The following SVEP1 variants were observed in gnomAD, a reference collection of about 807,000 sequenced individuals.
SVEP1 encodes the protein sushi, von Willebrand factor type A, EGF and pentraxin domain containing 1.
SVEP1 carries 164 observed loss-of-function variants against 367.3 expected under a neutral mutation model. That is an observed-to-expected ratio of 0.45 (90% confidence interval 0.39 to 0.51). SVEP1 has a LOEUF of 0.51. Among genes scored for constraint, SVEP1 ranks in the 20% least tolerant of loss-of-function variants. SVEP1 has a pLI of 0.00. For synonymous variants in SVEP1, 1,666 were observed against 1,611.6 expected (o/e 1.03, Z -0.81); for missense variants, 4,117 against 4,425.3 (o/e 0.93, Z 1.98).
chr9:110,539,114 C>T (rs1830112820), intron 3 of SVEP1, among the ~76,000 whole-genome samples: 1 of 151,996 alleles, frequency 6.6e-6, no homozygotes, highest in Non-Finnish European at 1.5e-5. Context: ...TTACTTCTTA[C>T]TGACATCCTT....
chr9:110,441,831 C>T (rs945479927), intron 27 of SVEP1, among the ~76,000 whole-genome samples: 1 of 152,168 alleles, frequency 6.6e-6, no homozygotes, highest in Non-Finnish European at 1.5e-5. Flanking sequence ...CTGCTCGTGA[C>T]AGAACCACCT....
intron 6 of SVEP1, among the ~76,000 whole-genome samples, chr9:110,501,207 A>G (rs1260278852): frequency 2.0e-5 from 3 of 149,270 alleles, no homozygotes; most frequent in Non-Finnish European, 4.5e-5. Context: ...TTTGGAAAGA[A>G]CTTAACATTT....
At chr9:110,513,245 T>C in intron 4 of SVEP1, 140 bp from the exon 5 acceptor site, 2 of 804,268 alleles carry the variant, frequency 2.5e-6, no homozygotes, top group Non-Finnish European at 3.8e-6. Flanking sequence ...ATTTGGATTT[T>C]CAAGTACATA....
intron 1 of SVEP1, among the ~76,000 whole-genome samples, chr9:110,551,011 C>A (rs982851605): frequency 6.6e-6 from 1 of 151,954 alleles, no homozygotes; most frequent in African/African-American, 2.4e-5. Flanking sequence ...TAAAGAAGCA[C>A]CAGGGTATAT....
chr9:110,527,814 T>TA (rs1829959178), intron 3 of SVEP1, among the ~76,000 whole-genome samples: 2 of 151,854 alleles, frequency 1.3e-5, no homozygotes, highest in African/African-American at 2.4e-5. Flanking sequence ...TACACAATTA[T>TA]AAAAAACTAC....
chr9:110,515,457 C>A (rs1237346349), intron 3 of SVEP1, among the ~76,000 whole-genome samples: 3 of 152,000 alleles, frequency 2.0e-5, no homozygotes, highest in African/African-American at 7.2e-5. Context: ...CCCGCCACCA[C>A]GCCTGGCTAA....
In SVEP1 at chr9:110,471,402, A is replaced by C. The variant is rs766350539; in HGVS notation, c.2960T>G (p.Phe987Cys). ...TCTCAGCACTGAGCCTGGTCTGCAG[A>C]AGGGGGAAGCCTTTTTTGTTTCTAA... The part of the protein sequence containing the change: ...NSLETKKASP[F>C]CRPGSVLRGR... Residue 987 changes from phenylalanine (F) to cysteine (C), a missense_variant, in exon 16 of 48, where the codon TTC becomes TGC. By Grantham distance (205) the Phe-to-Cys change is radical (BLOSUM62 -2). Transcript: ENST00000374469. The C allele has an allele frequency of 2.5e-6, 4 of 1,613,994 alleles. No individual in the cohort carries two copies. The highest frequency in any genetic ancestry group is 1.1e-5 in the South Asian group (1 of 91,080).
intron 1 of SVEP1, among the ~76,000 whole-genome samples, chr9:110,565,087 T>G (rs766723481): frequency 6.6e-6 from 1 of 152,156 alleles, no homozygotes; most frequent in Non-Finnish European, 1.5e-5. Context: ...TTTGGGGTTT[T>G]GTTTTGTTTT....
At chr9:110,400,513 C>T (rs1588034566) in intron 40 of SVEP1, among the ~76,000 whole-genome samples, 1 of 151,966 alleles carries the variant, frequency 6.6e-6, no homozygotes, top group East Asian at 1.9e-4. Context: ...ATTACAGGTG[C>T]CTGCCACCAT....
intron 3 of SVEP1, among the ~76,000 whole-genome samples, chr9:110,542,652 G>A (rs1012661460): frequency 6.6e-6 from 1 of 152,150 alleles, no homozygotes; most frequent in Non-Finnish European, 1.5e-5. Context: ...TAAGTCCCAA[G>A]AAGGTAGTGA....
chr9:110,366,564 G>GAGA lies in SVEP1; in HGVS notation c.10695-5_10695-4insTCT. 1.4e-6 allele frequency: 2 copies of GAGA among 1,413,490 alleles called. No individual in the cohort carries two copies. Among genetic ancestry groups the GAGA allele is most frequent in the Non-Finnish European group, 1.9e-6 (2 of 1,063,918 alleles). The allele number at this position is 1,413,490 out of a possible 1,614,324, so 87.6% of individuals were successfully genotyped here. On this transcript the variant is annotated splice_region_variant and splice_polypyrimidine_tract_variant and intron_variant, in intron 47 of 47. Coordinates refer to ENST00000374469, the MANE Select transcript of SVEP1 (RefSeq NM_153366.4). ...TTAAAACCCAGTCCTCCTTTTCCTG[G>GAGA]AAAAAAAAAAAAAAGCAACCAAATA...
chr9:110,460,739 T>C (rs1828845353), intron 18 of SVEP1, among the ~76,000 whole-genome samples: 1 of 150,632 alleles, frequency 6.6e-6, no homozygotes. Context: ...AGCAACGGAG[T>C]GAGACTCCGT....
chr9:110,454,631 A>T (rs910156788), intron 22 of SVEP1, among the ~76,000 whole-genome samples: 2 of 152,226 alleles, frequency 1.3e-5, no homozygotes, highest in Non-Finnish European at 2.9e-5. Flanking sequence ...GTAGTCATAA[A>T]AACTCCACAA....
intron 40 of SVEP1, among the ~76,000 whole-genome samples, chr9:110,391,693 T>A (rs543381620): frequency 1.3e-5 from 2 of 152,260 alleles, no homozygotes; most frequent in Non-Finnish European, 2.9e-5. Context: ...CACTCTGAGC[T>A]CCATGTTAGA....
rs1243344612 is a variant in SVEP1 at position 110,435,460 on chromosome 9, T to G, written c.4765-96A>C. ...AGTCCTATTGAAAACATTCACAGAT[T>G]TTTTAGAGATGGGGGTGGAGGGAAG... On this transcript the variant is annotated intron_variant, in intron 28 of 47. Transcript: ENST00000374469. 2.1e-6 allele frequency: 3 copies of G among 1,414,872 alleles called. No individual in the cohort carries two copies. In the African/African-American group the frequency reaches 4.3e-5, roughly 20 times the overall value. 87.6% of individuals were successfully genotyped at this position (1,414,872 alleles called of 1,614,324 possible).
chr9:110,437,466 G>A (rs992099647), intron 27 of SVEP1, among the ~76,000 whole-genome samples: 1 of 152,068 alleles, frequency 6.6e-6, no homozygotes, highest in African/African-American at 2.4e-5. Flanking sequence ...CTTTAGTGAT[G>A]CTACCTGTTT....
chr9:110,469,770 T>G (rs207470488), intron 16 of SVEP1, among the ~76,000 whole-genome samples: 1 of 152,200 alleles, frequency 6.6e-6, no homozygotes, highest in African/African-American at 2.4e-5. Context: ...TCCAAATGCA[T>G]TAGTCCTAGG....
chr9:110,563,610 T>C (rs902912783), intron 1 of SVEP1, among the ~76,000 whole-genome samples: 2 of 152,172 alleles, frequency 1.3e-5, no homozygotes, highest in Non-Finnish European at 2.9e-5. Context: ...GGATAATCAC[T>C]TAATTAGCTT....
intron 1 of SVEP1, among the ~76,000 whole-genome samples, chr9:110,562,225 T>C (rs1830440819): frequency 7.0e-6 from 1 of 143,308 alleles, no homozygotes; most frequent in Non-Finnish European, 1.5e-5. Flanking sequence ...AAAGAAAATA[T>C]GAATAGCAAA....
Sources: gnomAD v4.1 joint callset for allele counts (sites outside exome capture counted in the v4.1 genomes callset) on GRCh38, gnomAD v4.1.1 for gene constraint, MANE v1.5 for transcripts, NCBI Gene and HGNC (gene_info 2026-07-23, HGNC 2026-07-21) for gene names.